XXYLT1: variants seen among roughly 807,000 people sequenced by gnomAD.
The protein encoded by XXYLT1 is xyloside xylosyltransferase 1.
Under a neutral mutation model 28.9 loss-of-function variants are expected in XXYLT1, and 20 were observed. The ratio of observed to expected loss-of-function variants is 0.69; its 90% CI spans 0.49 to 1.00. The LOEUF (loss-of-function observed/expected upper bound fraction) is 1.00, where lower values mean the gene tolerates loss of function less well. XXYLT1 is among the 50% of genes least tolerant of loss of function. The probability of loss-of-function intolerance (pLI) is 0.00; values close to 1 mark genes in which losing one functional copy is unlikely to be tolerated. For synonymous variants in XXYLT1, 257 were observed against 253.8 expected (o/e 1.01, Z -0.12); for missense variants, 542 against 560.1 (o/e 0.97, Z 0.33).
chr3:195,084,368 G>A (rs1370488548), intron 3 of XXYLT1, among the ~76,000 whole-genome samples: 1 of 152,030 alleles, frequency 6.6e-6, no homozygotes, highest in Non-Finnish European at 1.5e-5. Flanking sequence ...TCAGGGCCCT[G>A]GCCCTAGACC....
rs1721488663 is a variant in XXYLT1 at position 195,173,055 on chromosome 3, A to G, written c.653-16474T>C. On this transcript the variant is annotated intron_variant, in intron 2 of 3. Transcript: ENST00000310380. The surrounding 1 kb of genome is among the most constrained non-coding windows in gnomAD (Gnocchi z 4.3). The stretch of plus-strand genomic sequence containing the variant: ...CCCCCCGGGGCTGATCGACACCCCT[A>G]CTTTCAAGACTTGGCACCTCTCCAT... Among the ~76,000 whole-genome samples the G allele has an allele frequency of 6.6e-6, 1 of 152,194 alleles. No homozygotes were observed. Among genetic ancestry groups the G allele is most frequent in the African/African-American group, 2.4e-5 (1 of 41,454 alleles).
At chr3:195,205,318 T>C (rs563871460) in intron 2 of XXYLT1, among the ~76,000 whole-genome samples, 1 of 152,300 alleles carries the variant, frequency 6.6e-6, no homozygotes, top group East Asian at 1.9e-4. Flanking sequence ...CATGATGAAA[T>C]ACGACTCAGC....
intron 1 of XXYLT1, among the ~76,000 whole-genome samples, chr3:195,253,624 G>A (rs541896092): frequency 4.0e-5 from 6 of 150,032 alleles, no homozygotes; most frequent in South Asian, 2.1e-4. Context: ...TCAGCCTCTC[G>A]AGCAGCTGGG....
At chr3:195,178,352 C>T (rs1283540249) in intron 2 of XXYLT1, among the ~76,000 whole-genome samples, 1 of 152,182 alleles carries the variant, frequency 6.6e-6, no homozygotes, top group Admixed American at 6.5e-5. Flanking sequence ...TTTCTCTTCC[C>T]TGTCTTTCAT....
chr3:195,236,600 G>C (rs1284394694), intron 1 of XXYLT1, among the ~76,000 whole-genome samples: 1 of 151,926 alleles, frequency 6.6e-6, no homozygotes, highest in African/African-American at 2.4e-5. Flanking sequence ...GTCTGAGCTG[G>C]TATCTAAGCT....
chr3:195,110,453 G>GTGTGGTGTGT (rs1560101086), intron 3 of XXYLT1, among the ~76,000 whole-genome samples: 2,284 of 138,112 alleles, frequency 0.017, 50 homozygotes, highest in East Asian at 0.057. Flanking sequence ...GGTGTAAAGT[G>GTGTGGTGTGT]TGTGTGGTGT....
intron 2 of XXYLT1, among the ~76,000 whole-genome samples, chr3:195,171,347 C>G (rs370921012): frequency 1.3e-5 from 2 of 152,176 alleles, no homozygotes; most frequent in East Asian, 3.8e-4. Flanking sequence ...GCTCTGGGAG[C>G]CCGAGATGGT....
rs1718017894 is a variant in XXYLT1 at position 195,115,867 on chromosome 3, A to G, written c.785+40582T>C. On this transcript the variant is annotated intron_variant, in intron 3 of 3. Transcript: ENST00000310380. The surrounding 1 kb of genome is among the most constrained non-coding windows in gnomAD (Gnocchi z 4.2). ...CTCTGTATGAAAACTGGAGGCGCTG[A>G]GGCTGTCCTCAGGCTCAGGAGACAA... is the stretch of plus-strand genomic sequence containing the variant. Among the ~76,000 whole-genome samples, 1 of 152,162 alleles carries G rather than the reference A, an allele frequency of 6.6e-6. No individual in the cohort carries two copies. The highest frequency in any genetic ancestry group is 1.5e-5 in the Non-Finnish European group (1 of 68,032).
At chr3:195,205,524 G>C (rs762760398) in intron 2 of XXYLT1, among the ~76,000 whole-genome samples, 1 of 152,186 alleles carries the variant, frequency 6.6e-6, no homozygotes, top group Non-Finnish European at 1.5e-5. Context: ...AAGGCAGCAC[G>C]AAGGATCTTT....
chr3:195,246,831 C>T (rs759104939), intron 1 of XXYLT1, among the ~76,000 whole-genome samples: 3 of 152,162 alleles, frequency 2.0e-5, no homozygotes, highest in Non-Finnish European at 2.9e-5. Context: ...TTCTTTAACA[C>T]GGTCTATCCA....
At chr3:195,215,122 G>A (rs1256483089) in intron 2 of XXYLT1, among the ~76,000 whole-genome samples, 1 of 151,196 alleles carries the variant, frequency 6.6e-6, no homozygotes, top group African/African-American at 2.4e-5. Flanking sequence ...AGCAAATGCT[G>A]AGAGATTTTG....
chr3:195,130,069 C>T (rs1021571567), intron 3 of XXYLT1, among the ~76,000 whole-genome samples: 27 of 152,200 alleles, frequency 1.8e-4, no homozygotes, highest in African/African-American at 4.3e-4. Flanking sequence ...TGATGACTAA[C>T]GATGTTGAGC....
intron 1 of XXYLT1, among the ~76,000 whole-genome samples, chr3:195,261,934 T>C (rs931589082): frequency 3.3e-5 from 5 of 152,248 alleles, no homozygotes; most frequent in African/African-American, 1.2e-4. Flanking sequence ...TAAAATGGTA[T>C]AGCTACTGAG....
chr3:195,088,025 G>A (rs983427774), intron 3 of XXYLT1, among the ~76,000 whole-genome samples: 7 of 152,118 alleles, frequency 4.6e-5, no homozygotes, highest in African/African-American at 9.7e-5. Flanking sequence ...CACCTGGCTC[G>A]GAGGGTCCTA....
At chr3:195,200,781 A>C (rs1281819128) in intron 2 of XXYLT1, among the ~76,000 whole-genome samples, 1 of 152,182 alleles carries the variant, frequency 6.6e-6, no homozygotes, top group Non-Finnish European at 1.5e-5. Flanking sequence ...ACTCAGTAGA[A>C]AGAGCTGTGG....
At chr3:195,131,463 C>A (rs1718904848) in intron 3 of XXYLT1, among the ~76,000 whole-genome samples, 1 of 152,252 alleles carries the variant, frequency 6.6e-6, no homozygotes, top group South Asian at 2.1e-4. Flanking sequence ...ATTTCTGCAA[C>A]TGCAGCAAAG....
rs1577215750 is a variant in XXYLT1, at chr3:195,270,545, G to A, written c.504+10C>T. On this transcript the variant is annotated intron_variant, in intron 1 of 3. Coordinates refer to ENST00000310380, the MANE Select transcript of XXYLT1 (RefSeq NM_152531.5). ...CACCCACCGGGAGCCCCCAGCCGCG[G>A]CCCGCTCACCTTGCACTTGAAGCCA... 2.2e-6 allele frequency: 3 copies of A among 1,378,728 alleles called. No individual in the cohort carries two copies. In the South Asian group the frequency reaches 4.9e-5, roughly 22 times the overall value. The allele number at this position is 1,378,728 out of a possible 1,614,324, so 85.4% of individuals were successfully genotyped here.
intron 2 of XXYLT1, among the ~76,000 whole-genome samples, chr3:195,165,821 C>T (rs971603185): frequency 4.6e-5 from 7 of 152,210 alleles, no homozygotes; most frequent in African/African-American, 9.6e-5. Context: ...AAAAGATGGA[C>T]GATCTAGCAT....
intron 1 of XXYLT1, among the ~76,000 whole-genome samples, chr3:195,236,219 GCTAT>G (rs1724541112): frequency 6.6e-6 from 1 of 152,134 alleles, no homozygotes; most frequent in Admixed American, 6.5e-5. Flanking sequence ...GTCCAGAGAT[GCTAT>G]CTGTGAGCCA....
Sources: allele counts gnomAD v4.1 joint callset (sites outside exome capture counted in the v4.1 genomes callset), GRCh38; gene constraint gnomAD v4.1.1; non-coding constraint Gnocchi (gnomAD v3.1); transcripts MANE v1.5; gene names NCBI Gene and HGNC (gene_info 2026-07-23, HGNC 2026-07-21).